SYDE1: variants seen among roughly 807,000 people sequenced by gnomAD.
SYDE1 encodes synapse defective Rho GTPase activating protein 1.
In SYDE1, 34 loss-of-function variants were observed where a neutral mutation model predicts 63.3. The ratio of observed to expected loss-of-function variants is 0.54; its 90% CI spans 0.41 to 0.71. The LOEUF (loss-of-function observed/expected upper bound fraction) is 0.71. Among genes scored for constraint, SYDE1 ranks in the 30% least tolerant of loss-of-function variants. The probability of loss-of-function intolerance (pLI) is 0.00; values close to 1 mark genes in which losing one functional copy is unlikely to be tolerated. For missense variants in SYDE1, 925 were observed against 1,042.5 expected (o/e 0.89, Z 1.55); for synonymous variants, 467 against 473.4 (o/e 0.99, Z 0.18).
intron 7 of SYDE1, 147 bp downstream of exon 7, chr19:15,112,718 G>A: frequency 1.6e-6 from 1 of 618,262 alleles, no homozygotes; most frequent in East Asian, 2.9e-5. Flanking sequence ...AACCAGTTCA[G>A]ATCCAACCAA....
chr19:15,112,684 A>C, intron 7 of SYDE1, 113 bp downstream of exon 7: 1 of 896,556 alleles, frequency 1.1e-6, no homozygotes, highest in Non-Finnish European at 1.7e-6. Flanking sequence ...CTCATGGAGT[A>C]AACTGGTACC....
At position 15,114,636 on chromosome 19, in the gene SYDE1, C is replaced by T. The variant is rs769971081; in HGVS notation, c.*673C>T. 6.1e-5 allele frequency: 9 copies of T among 148,562 alleles called. No homozygotes were observed. Among genetic ancestry groups the T allele is most frequent in the African/African-American group, 2.2e-4 (9 of 40,490 alleles). 9.2% of individuals were successfully genotyped at this position (148,562 alleles called of 1,614,324 possible). A position where few individuals can be genotyped will look rare whatever the true frequency, so the allele number is the denominator to read the frequency against. The stretch of plus-strand genomic sequence containing the variant: ...TCCTTGCCCCCCCCTTGCCCCCCCC[C>T]CCGAAAAAAATTGAGCACTTAAACC... On this transcript the variant is annotated 3_prime_UTR_variant, in exon 8 of 8. Coordinates refer to ENST00000342784, the MANE Select transcript of SYDE1 (RefSeq NM_033025.6).
At chr19:15,112,799 GT>G (rs2046353832) in intron 7 of SYDE1, among the ~76,000 whole-genome samples, 1 of 152,164 alleles carries the variant, frequency 6.6e-6, no homozygotes, top group Admixed American at 6.5e-5. Context: ...GCCCAAGCTG[GT>G]CTCAAACGCA....
In SYDE1 at chr19:15,109,272, G is replaced by T; in HGVS notation, c.305G>T (p.Gly102Val). Residue 102 changes from glycine (G) to valine (V), a missense_variant, in exon 2 of 8, where the codon GGC (glycine) becomes GTC (valine). By Grantham distance (109) the Gly-to-Val change is moderately radical. This residue lies in a region of SYDE1 where 599 missense variants were observed against 653.7 expected (regional missense o/e 0.92). Transcript: ENST00000342784. The surrounding 1 kb of genome is among the most constrained non-coding windows in gnomAD (Gnocchi z 5.0). Reference protein sequence around the residue: ...EDTSLGPGVPGTGEPAGEIWY... With the variant: ...EDTSLGPGVPVTGEPAGEIWY... ...ACCTCTTTAGGGCCTGGGGTACCTG[G>T]CACTGGGGAGCCCGCCGGCGAGATC... 1.2e-6 allele frequency: 2 copies of T among 1,610,882 alleles called. No homozygotes were observed. Among genetic ancestry groups the T allele is most frequent in the Non-Finnish European group, 1.7e-6 (2 of 1,178,694 alleles).
Position 15,110,279 on chromosome 19 carries a change from T to C in SYDE1, c.1006T>C (p.Trp336Arg), listed in dbSNP as rs1230755529. ...ARLLRALVLA[W>R]DPGVRRHRPC... ...GCTCCTGCGCGCCCTGGTGCTTGCGTGGGACCCTGGCGTGAGAAGGCACCG... is the reference window on the plus strand; with the variant it reads ...GCTCCTGCGCGCCCTGGTGCTTGCGCGGGACCCTGGCGTGAGAAGGCACCG... The change falls in exon 3 of 8, where the codon TGG (tryptophan) becomes CGG (arginine). Residue 336 changes from tryptophan (W) to arginine (R), a missense_variant. This residue lies in a region of SYDE1 where 599 missense variants were observed against 653.7 expected (regional missense o/e 0.92). Coordinates refer to ENST00000342784, the MANE Select transcript of SYDE1 (RefSeq NM_033025.6). The surrounding 1 kb of genome is among the most constrained non-coding windows in gnomAD (Gnocchi z 6.9). 3.5e-6 allele frequency: 5 copies of C among 1,416,876 alleles called. No individual in the cohort carries two copies. Among genetic ancestry groups the C allele is most frequent in the Non-Finnish European group, 4.6e-6 (5 of 1,088,036 alleles). 87.8% of individuals were successfully genotyped at this position (1,416,876 alleles called of 1,614,324 possible).
rs2046334269 is a variant in SYDE1 at position 15,110,117 on chromosome 19, C to G, written c.844C>G (p.Pro282Ala). 7.1e-7 allele frequency: 1 copy of G among 1,408,586 alleles called. No homozygotes were observed. Among genetic ancestry groups the G allele is most frequent in the South Asian group, 1.5e-5 (1 of 64,618 alleles). 87.3% of individuals were successfully genotyped at this position (1,408,586 alleles called of 1,614,324 possible). A position where few individuals can be genotyped will look rare whatever the true frequency, so the allele number is the denominator to read the frequency against. The change falls in exon 3 of 8, where the codon CCG (proline) becomes GCG (alanine). Residue 282 changes from proline to alanine, a missense_variant. By Grantham distance (27) the Pro-to-Ala change is conservative. Coordinates refer to ENST00000342784, the MANE Select transcript of SYDE1 (RefSeq NM_033025.6). The surrounding 1 kb of genome is among the most constrained non-coding windows in gnomAD (Gnocchi z 6.9). ...CGGTCTCGGGGGGCTGCGGCCAGCG[C>G]CGGGGGCCACCCCCAGGGACCTCTG... ...LYGLGGLRPA[P>A]GATPRDLCCL...
rs911558656 is a variant in SYDE1 at position 15,111,464 on chromosome 19, C to T, written c.1417+25C>T. 3.7e-6 allele frequency: 6 copies of T among 1,611,918 alleles called. No homozygotes were observed. The South Asian group carries it at 5.5e-5, about 15-fold the overall frequency. On this transcript the variant is annotated intron_variant, in intron 5 of 7. Coordinates refer to ENST00000342784, the MANE Select transcript of SYDE1 (RefSeq NM_033025.6). The surrounding 1 kb of genome is among the most constrained non-coding windows in gnomAD (Gnocchi z 5.5). ...GGTCAGCATGGCCCCCTCTCCCCTGCCTGCTCACCCCCATTCAATGCCTCA... is the reference window on the plus strand; with the variant it reads ...GGTCAGCATGGCCCCCTCTCCCCTGTCTGCTCACCCCCATTCAATGCCTCA...
intron 7 of SYDE1, among the ~76,000 whole-genome samples, chr19:15,113,265 C>T (rs2046357311): frequency 1.3e-5 from 2 of 152,182 alleles, no homozygotes; most frequent in Non-Finnish European, 2.9e-5. Flanking sequence ...GTCTTGAACT[C>T]CTGACCTCAA....
rs774761620 is a variant in SYDE1 at position 15,113,545 on chromosome 19, CCT to C, written c.1805-14_1805-13del. 1.7e-5 allele frequency: 26 copies of C among 1,532,720 alleles called. No individual in the cohort carries two copies. In the African/African-American group the frequency reaches 2.7e-4, roughly 16 times the overall value. The allele number at this position is 1,532,720 out of a possible 1,614,324, so 94.9% of individuals were successfully genotyped here. The stretch of plus-strand genomic sequence containing the variant: ...GCTGTCGCCTCTTTCTATGACCTAC[CCT>C]GTCTCCCTTCAGATCCCCGCCTGCC... On this transcript the variant is annotated splice_polypyrimidine_tract_variant and intron_variant, in intron 7 of 7. Coordinates refer to ENST00000342784, the MANE Select transcript of SYDE1 (RefSeq NM_033025.6).
Position 15,110,584 on chromosome 19 carries a change from C to A in SYDE1, c.1139C>A (p.Thr380Asn), listed in dbSNP as rs2046339035. Residue 380 changes from threonine to asparagine, a missense_variant, in exon 4 of 8, where the codon ACC becomes AAC. By Grantham distance (65) the Thr-to-Asn change is moderately conservative. Transcript: ENST00000342784. This position sits in a 1 kb window ranked among gnomAD's most constrained non-coding sequence, Gnocchi z 6.9. ...CAGGGGCTGCTGTATGCCAAGCTGA[C>A]CCTGTCGGAGCAGCAGGAAGCCCCT... ...EPQGLLYAKL[T>N]LSEQQEAPAT... The A allele has an allele frequency of 6.3e-7, 1 of 1,597,278 alleles. No individual in the cohort carries two copies. The highest frequency in any genetic ancestry group is 8.5e-7 in the Non-Finnish European group (1 of 1,174,552).
rs1370911394 is a variant in SYDE1 at position 15,110,317 on chromosome 19, G to A, written c.1044G>A (p.Gln348=). 7.7e-6 allele frequency: 11 copies of A among 1,427,144 alleles called. No homozygotes were observed. Among genetic ancestry groups the A allele is most frequent in the Non-Finnish European group, 9.2e-6 (10 of 1,092,136 alleles). The allele number at this position is 1,427,144 out of a possible 1,614,324, so 88.4% of individuals were successfully genotyped here. A position where few individuals can be genotyped will look rare whatever the true frequency, so the allele number is the denominator to read the frequency against. ...TGAGAAGGCACCGGCCCTGTGCCCAGGGCACCGTGCTGCTGCCCACGGTCT... is the reference window on the plus strand; with the variant it reads ...TGAGAAGGCACCGGCCCTGTGCCCAAGGCACCGTGCTGCTGCCCACGGTCT... ...PGVRRHRPCA[Q]GTVLLPTVFR... Residue 348 remains glutamine (Q), a synonymous_variant, in exon 3 of 8, where the codon CAG becomes CAA. Coordinates refer to ENST00000342784, the MANE Select transcript of SYDE1 (RefSeq NM_033025.6). The surrounding 1 kb of genome is among the most constrained non-coding windows in gnomAD (Gnocchi z 6.9).
At position 15,113,766 on chromosome 19, in the gene SYDE1, T is replaced by C. The variant is rs1367523153; in HGVS notation, c.2011T>C (p.Ser671Pro). ...DFLPCGRDFLSGPDYDHVTGS... is the reference protein window; with the variant it reads ...DFLPCGRDFLPGPDYDHVTGS... ...CCTGCCCTGTGGGCGGGATTTCCTGTCCGGGCCAGACTACGACCACGTGAC... is the reference window on the plus strand; with the variant it reads ...CCTGCCCTGTGGGCGGGATTTCCTGCCCGGGCCAGACTACGACCACGTGAC... The change falls in exon 8 of 8, where the codon TCC (serine) becomes CCC (proline). Residue 671 changes from serine (S) to proline (P), a missense_variant. Ser to Pro is a moderately conservative substitution (Grantham distance 74). Coordinates refer to ENST00000342784, the MANE Select transcript of SYDE1 (RefSeq NM_033025.6). The C allele has an allele frequency of 1.9e-6, 3 of 1,614,040 alleles. No individual in the cohort carries two copies. Among genetic ancestry groups the C allele is most frequent in the Admixed American group, 3.3e-5 (2 of 60,028 alleles).
At chr19:15,112,265 T>TCTAGCCAC in intron 6 of SYDE1, 81 bp from the exon 7 acceptor site, 1 of 925,424 alleles carries the variant, frequency 1.1e-6, no homozygotes, top group Non-Finnish European at 1.7e-6. Flanking sequence ...GCTTCCCTAC[T>TCTAGCCAC]CTAGCCACCT....
Position 15,110,479 on chromosome 19 carries a change from A to G in SYDE1, c.1076-42A>G. ...GGAGCAGCGAGGCCAGGGTACATGA[A>G]GCTTCAGAGCACACCCGGCTCAGGC... On this transcript the variant is annotated intron_variant, in intron 3 of 7. Transcript: ENST00000342784. The surrounding 1 kb of genome is among the most constrained non-coding windows in gnomAD (Gnocchi z 6.9). The G allele has an allele frequency of 6.5e-7, 1 of 1,528,066 alleles. No homozygotes were observed. The highest frequency in any genetic ancestry group is 8.8e-7 in the Non-Finnish European group (1 of 1,135,994). 94.7% of individuals were successfully genotyped at this position (1,528,066 alleles called of 1,614,324 possible). A position where few individuals can be genotyped will look rare whatever the true frequency, so the allele number is the denominator to read the frequency against.
Position 15,107,981 on chromosome 19 carries a change from G to T in SYDE1, c.88+460G>T, listed in dbSNP as rs577449606. 7.9e-5 allele frequency among the ~76,000 whole-genome samples: 12 copies of T among 152,260 alleles called. No individual in the cohort carries two copies. In the South Asian group the frequency reaches 2.3e-3, roughly 29 times the overall value. On this transcript the variant is annotated intron_variant, in intron 1 of 7. Transcript: ENST00000342784. ...GTCAATCAGAGTAGCTGCCCCCTCC[G>T]CCTCCCACCTACTAACAGTGACGGC...
At position 15,114,094 on chromosome 19, in the gene SYDE1, G is replaced by T. The variant is rs573533087; in HGVS notation, c.*131G>T. The T allele has an allele frequency of 4.5e-6, 4 of 879,362 alleles. No individual in the cohort carries two copies. The highest frequency in any genetic ancestry group is 3.2e-5 in the South Asian group (2 of 61,602). 54.5% of individuals were successfully genotyped at this position (879,362 alleles called of 1,614,324 possible). A position where few individuals can be genotyped will look rare whatever the true frequency, so the allele number is the denominator to read the frequency against. ...CCTGGTTGCCAGCGAGTTACCACGG[G>T]ACCAGTCGCGTGTATGGCTGAGACT... On this transcript the variant is annotated 3_prime_UTR_variant, in exon 8 of 8. Transcript: ENST00000342784.
chr19:15,112,488 G>A lies in SYDE1; in HGVS notation c.1721G>A (p.Arg574His), dbSNP rs200892355. 2.0e-4 allele frequency: 323 copies of A among 1,606,528 alleles called. No homozygotes were observed. The highest frequency in any genetic ancestry group is 6.5e-4 in the South Asian group (58 of 89,424). Residue 574 changes from arginine (R) to histidine (H), a missense_variant, in exon 7 of 8, where the codon CGC (arginine) becomes CAC (histidine). Coordinates refer to ENST00000342784, the MANE Select transcript of SYDE1 (RefSeq NM_033025.6). Reference protein sequence around the residue: ...ARQAPTRPRARSSGPGLASAV... With the variant: ...ARQAPTRPRAHSSGPGLASAV... Reference sequence around the variant, plus strand: ...CAGGCGCCCACAAGGCCTCGTGCCCGCAGCTCCGGCCCAGGCCTTGCCAGT... The same window carrying A: ...CAGGCGCCCACAAGGCCTCGTGCCCACAGCTCCGGCCCAGGCCTTGCCAGT...
At chr19:15,113,125 A>T (rs553299690) in intron 7 of SYDE1, among the ~76,000 whole-genome samples, 99 of 152,272 alleles carry the variant, frequency 6.5e-4, no homozygotes, top group Admixed American at 3.6e-3. Flanking sequence ...GCTGGTCTTG[A>T]ACTCCTGACC....
chr19:15,111,792 G>C lies in SYDE1; in HGVS notation c.1578G>C (p.Arg526Ser). ...TCAGCTGCCTGCCAGATGTGGAAAG[G>C]GTGAGTTGGGCCTGGTGGGAGTGAT... ...GLLSCLPDVE[R>S]ATLTLLLDHL... The change falls in exon 6 of 8, where the codon AGG becomes AGC. Residue 526 changes from arginine (R) to serine (S), a missense_variant and splice_region_variant. Transcript: ENST00000342784. This position sits in a 1 kb window ranked among gnomAD's most constrained non-coding sequence, Gnocchi z 5.5. 1 of 1,575,476 alleles carries C rather than the reference G, an allele frequency of 6.3e-7. No individual in the cohort carries two copies. Among genetic ancestry groups the C allele is most frequent in the African/African-American group, 1.4e-5 (1 of 73,994 alleles).
Sources: gnomAD v4.1 joint callset for allele counts (sites outside exome capture counted in the v4.1 genomes callset) on GRCh38, gnomAD v4.1.1 for gene constraint, gnomAD v4.1.1 regional missense constraint, Gnocchi (gnomAD v3.1) non-coding constraint, MANE v1.5 for transcripts, NCBI Gene and HGNC (gene_info 2026-07-23, HGNC 2026-07-21) for gene names.